PDE3B: variants seen among roughly 807,000 people sequenced by gnomAD.
PDE3B encodes cGMP-inhibited 3',5'-cyclic phosphodiesterase 3B.
PDE3B carries 66 observed loss-of-function variants against 116.8 expected under a neutral mutation model. The ratio of observed to expected loss-of-function variants is 0.56; its 90% CI spans 0.46 to 0.69. The LOEUF (loss-of-function observed/expected upper bound fraction) is 0.69, where lower values mean the gene tolerates loss of function less well. Ranked by LOEUF, PDE3B falls within the 30% of genes least tolerant of loss-of-function variation. PDE3B has a pLI of 0.00. For missense variants in PDE3B, 1,384 were observed against 1,368.1 expected, an observed-to-expected ratio of 1.01 and a Z score of -0.18; for synonymous variants, 595 against 533.6, an observed-to-expected ratio of 1.12 and a Z score of -1.59.
chr11:14,657,302 T>C (rs1012071058), intron 1 of PDE3B, among the ~76,000 whole-genome samples: 14 of 152,180 alleles, frequency 9.2e-5, no homozygotes, highest in Non-Finnish European at 2.9e-5. Flanking sequence ...AGATAAGAGA[T>C]ACGGAAACAG....
chr11:14,690,502 CATT>C (rs1855014192), intron 1 of PDE3B, among the ~76,000 whole-genome samples: 1 of 151,806 alleles, frequency 6.6e-6, no homozygotes, highest in South Asian at 2.1e-4. Flanking sequence ...TTATTGATAA[CATT>C]ATTGTTATTT....
At chr11:14,654,551 G>A (rs777084371) in intron 1 of PDE3B, among the ~76,000 whole-genome samples, 4 of 152,084 alleles carry the variant, frequency 2.6e-5, no homozygotes, top group Admixed American at 6.6e-5. Context: ...CAGAAGAAAT[G>A]AATGAGATCA....
At chr11:14,880,863 C>CA in the PDE3B span, 4 of 1,214,598 alleles carry the variant, frequency 3.3e-6, no homozygotes, top group Non-Finnish European at 4.6e-6. Flanking sequence ...GTTAGTCATC[C>CA]TTCTCCAAAT....
At chr11:14,685,903 C>T (rs1854860410) in intron 1 of PDE3B, among the ~76,000 whole-genome samples, 1 of 152,158 alleles carries the variant, frequency 6.6e-6, no homozygotes, top group Admixed American at 6.6e-5. Context: ...GGCTGTGAAA[C>T]AGGACCTGGG....
In PDE3B at chr11:14,831,690, A is replaced by G; in HGVS notation, c.2007A>G (p.Ser669=). 6.3e-7 allele frequency: 1 copy of G among 1,599,224 alleles called. No homozygotes were observed. The highest frequency in any genetic ancestry group is 8.6e-7 in the Non-Finnish European group (1 of 1,168,838). Residue 669 remains serine (S), a synonymous_variant, in exon 9 of 16, where the codon TCA becomes TCG. Coordinates refer to ENST00000282096, the MANE Select transcript of PDE3B (RefSeq NM_000922.4). ...LDLILVEEYD[S]LIEKMSNWNF... ...TGATTTTAGTAGAAGAGTATGACTC[A>G]TTAATAGAAAAGATGAGCAACTGGA...
chr11:14,837,352 T>A (rs2133968156), intron 11 of PDE3B, among the ~76,000 whole-genome samples: 1 of 152,288 alleles, frequency 6.6e-6, no homozygotes, highest in South Asian at 2.1e-4. Context: ...TCTCCCCCAA[T>A]CTTTCTTTTT....
intron 1 of PDE3B, among the ~76,000 whole-genome samples, chr11:14,708,473 T>C (rs1405982618): frequency 6.6e-6 from 1 of 152,094 alleles, no homozygotes; most frequent in South Asian, 2.1e-4. Context: ...TTTAAATGTG[T>C]TTTTTACATA....
chr11:14,696,650 CTTAT>C (rs1405073122), intron 1 of PDE3B, among the ~76,000 whole-genome samples: 4 of 151,748 alleles, frequency 2.6e-5, no homozygotes, highest in African/African-American at 4.8e-5. Context: ...GATTGTTTGC[CTTAT>C]TTATTATTGA....
intron 1 of PDE3B, among the ~76,000 whole-genome samples, chr11:14,685,601 G>A (rs547523176): frequency 4.0e-5 from 6 of 151,302 alleles, no homozygotes; most frequent in East Asian, 1.9e-4. Flanking sequence ...GATTACAGAC[G>A]TGCACCACCA....
rs185529831 is a variant in PDE3B, at chr11:14,747,632, G to A, written c.979-24305G>A. ...TATAAAGTTTTTAAAGAAGCATATC[G>A]TGTGCATAATCCCTAAAAAATCAAG... On this transcript the variant is annotated intron_variant, in intron 1 of 15. Coordinates refer to ENST00000282096, the MANE Select transcript of PDE3B (RefSeq NM_000922.4). 2.3e-3 allele frequency among the ~76,000 whole-genome samples: 356 copies of A among 152,196 alleles called. 1 individual carries two copies. Among genetic ancestry groups the A allele is most frequent in the Non-Finnish European group, 2.2e-3 (150 of 68,012 alleles).
chr11:14,880,087 G>A, the PDE3B span: 2 of 1,598,266 alleles, frequency 1.3e-6, no homozygotes, highest in African/African-American at 1.3e-5. Flanking sequence ...AAACATGTAT[G>A]AACCCTACAT....
At chr11:14,685,391 A>C (rs1854840428) in intron 1 of PDE3B, among the ~76,000 whole-genome samples, 1 of 143,408 alleles carries the variant, frequency 7.0e-6, no homozygotes, top group South Asian at 2.3e-4. Flanking sequence ...TATTTGATTT[A>C]TTCATTATTC....
At chr11:14,766,787 C>T (rs2133893072) in intron 1 of PDE3B, among the ~76,000 whole-genome samples, 2 of 151,716 alleles carry the variant, frequency 1.3e-5, no homozygotes, top group Middle Eastern at 3.4e-3. Flanking sequence ...GATTTCATCA[C>T]ATATTTCCCA....
At chr11:14,736,934 T>G (rs552583638) in intron 1 of PDE3B, among the ~76,000 whole-genome samples, 11 of 152,286 alleles carry the variant, frequency 7.2e-5, no homozygotes, top group Admixed American at 6.5e-4. Context: ...GGAGTTAGTA[T>G]GGGCTCATGG....
intron 5 of PDE3B, among the ~76,000 whole-genome samples, chr11:14,811,658 T>C (rs1859135728): frequency 6.6e-6 from 1 of 152,098 alleles, no homozygotes; most frequent in East Asian, 1.9e-4. Flanking sequence ...TTTAAAGTAG[T>C]TTTTTCCAAT....
intron 1 of PDE3B, among the ~76,000 whole-genome samples, chr11:14,749,389 T>A (rs1281064532): frequency 6.6e-6 from 1 of 152,106 alleles, no homozygotes; most frequent in African/African-American, 2.4e-5. Context: ...ACTCTATACC[T>A]CTGAAGATAA....
the PDE3B span, among the ~76,000 whole-genome samples, chr11:14,882,030 A>T: frequency 1.3e-5 from 2 of 152,084 alleles, no homozygotes; most frequent in African/African-American, 4.8e-5. Context: ...ACTTATTAAA[A>T]AGTTACTGTA....
intron 1 of PDE3B, among the ~76,000 whole-genome samples, chr11:14,745,893 A>G (rs1590110622): frequency 6.6e-6 from 1 of 152,306 alleles, no homozygotes; most frequent in East Asian, 1.9e-4. Context: ...TAGTTATTCC[A>G]CATCCCCATT....
At chr11:14,746,659 T>G (rs1565119623) in intron 1 of PDE3B, among the ~76,000 whole-genome samples, 2 of 152,202 alleles carry the variant, frequency 1.3e-5, no homozygotes, top group African/African-American at 4.8e-5. Context: ...TGTCATGTTT[T>G]GAGATATTTG....
Sources: gnomAD v4.1 joint callset for allele counts (sites outside exome capture counted in the v4.1 genomes callset) on GRCh38, gnomAD v4.1.1 for gene constraint, MANE v1.5 for transcripts, NCBI Gene and HGNC (gene_info 2026-07-23, HGNC 2026-07-21) for gene names.